Variants in ALK observed in about 807,000 individuals in gnomAD.
The protein encoded by ALK is ALK tyrosine kinase receptor.
ALK carries 74 observed loss-of-function variants against 163.1 expected under a neutral mutation model. The ratio of observed to expected loss-of-function variants is 0.45; its 90% confidence interval spans 0.38 to 0.55. The LOEUF (loss-of-function observed/expected upper bound fraction) is 0.55, where lower values mean the gene tolerates loss of function less well. Ranked by LOEUF, ALK falls within the 20% of genes least tolerant of loss-of-function variation. ALK has a pLI of 0.00. For missense variants in ALK, 2,063 were observed against 2,105.3 expected, an observed-to-expected ratio of 0.98 and a Z score of 0.39; for synonymous variants, 960 against 843.2, an observed-to-expected ratio of 1.14 and a Z score of -2.40.
intron 3 of ALK, among the ~76,000 whole-genome samples, chr2:29,557,706 C>T (rs1673901628): frequency 2.0e-5 from 3 of 152,074 alleles, no homozygotes; most frequent in Admixed American, 2.0e-4. Context: ...ATATACCCTC[C>T]TAGTCCTCAG....
At chr2:29,869,183 G>A (rs1666514925) in intron 1 of ALK, among the ~76,000 whole-genome samples, 1 of 152,118 alleles carries the variant, frequency 6.6e-6, no homozygotes, top group South Asian at 2.1e-4. Flanking sequence ...TAAAATGGCT[G>A]ATTTATACCT....
At chr2:29,327,341 C>T (rs1247736133) in intron 6 of ALK, among the ~76,000 whole-genome samples, 3 of 152,088 alleles carry the variant, frequency 2.0e-5, no homozygotes, top group Non-Finnish European at 4.4e-5. Context: ...GGAAAGATGA[C>T]CAGACTCAAA....
chr2:29,794,594 C>A (rs990334561), intron 1 of ALK, among the ~76,000 whole-genome samples: 6 of 152,078 alleles, frequency 3.9e-5, no homozygotes, highest in Non-Finnish European at 8.8e-5. Context: ...CACGTGAACA[C>A]TTAGAGGCGA....
chr2:29,875,063 A>G (rs769772210), intron 1 of ALK, among the ~76,000 whole-genome samples: 2 of 152,264 alleles, frequency 1.3e-5, no homozygotes, highest in African/African-American at 4.8e-5. Context: ...AGATACCTAT[A>G]AACCAATGTT....
chr2:29,728,227 C>T (rs1679630406), intron 1 of ALK, among the ~76,000 whole-genome samples: 1 of 152,244 alleles, frequency 6.6e-6, no homozygotes, highest in Non-Finnish European at 1.5e-5. Context: ...ACAAATCCCA[C>T]AATTTTCTGA....
intron 3 of ALK, among the ~76,000 whole-genome samples, chr2:29,637,224 C>T (rs1009522294): frequency 1.1e-4 from 16 of 152,256 alleles, no homozygotes; most frequent in Admixed American, 9.2e-4. Flanking sequence ...ACTGTGGTAC[C>T]TCCATACCAT....
rs1572503919 is a variant in ALK at position 29,920,538 on chromosome 2, C to T, written c.122G>A (p.Arg41Gln). The T allele has an allele frequency of 2.5e-6, 4 of 1,608,950 alleles. No homozygotes were observed. The highest frequency in any genetic ancestry group is 1.7e-4 in the Middle Eastern group (1 of 6,056). The change falls in exon 1 of 29, where the codon CGG becomes CAG. Residue 41 changes from arginine to glutamine, a missense_variant. Arg to Gln is a conservative substitution (Grantham distance 43). Around this residue, in one of 5 missense-constraint regions of ALK, gnomAD observed 987 missense variants for 939.5 expected, o/e 1.05. Transcript: ENST00000389048. ...SPAAGPPLQP[R>Q]EPLSYSRLQR... ...CAGGCGCGAGTAGCTGAGTGGCTCC[C>T]GGGGCTGCAGCGGCGGCCCCGCAGC...
intron 1 of ALK, among the ~76,000 whole-genome samples, chr2:29,864,557 G>A (rs2148408557): frequency 6.6e-6 from 1 of 152,276 alleles, no homozygotes; most frequent in South Asian, 2.1e-4. Context: ...TTACAACTGT[G>A]TTGATAAATC....
At chr2:29,586,267 A>AT (rs1674885261) in intron 3 of ALK, among the ~76,000 whole-genome samples, 1 of 151,402 alleles carries the variant, frequency 6.6e-6, no homozygotes, top group Admixed American at 6.6e-5. Context: ...TGAGGCTTTC[A>AT]TACATATATT....
intron 1 of ALK, among the ~76,000 whole-genome samples, chr2:29,910,122 G>T (rs1043936408): frequency 1.3e-5 from 2 of 152,006 alleles, no homozygotes; most frequent in Non-Finnish European, 2.9e-5. Flanking sequence ...TAAAATAGCT[G>T]TTATACGTGT....
intron 2 of ALK, among the ~76,000 whole-genome samples, chr2:29,712,833 A>C (rs1224112556): frequency 6.6e-6 from 1 of 152,114 alleles, no homozygotes; most frequent in Non-Finnish European, 1.5e-5. Context: ...CAAATCTAAC[A>C]ATTATTTTGT....
chr2:29,703,834 C>A (rs1678818284), intron 2 of ALK, among the ~76,000 whole-genome samples: 2 of 152,164 alleles, frequency 1.3e-5, no homozygotes, highest in South Asian at 4.1e-4. Context: ...AAAAGCAAGA[C>A]CCAGGCAAGG....
chr2:29,479,211 C>T (rs912502302), intron 4 of ALK, among the ~76,000 whole-genome samples: 3 of 146,952 alleles, frequency 2.0e-5, no homozygotes, highest in African/African-American at 7.6e-5. Flanking sequence ...CACCCTGAAG[C>T]AGGCAGATCT....
chr2:29,350,298 G>A (rs992504449), intron 5 of ALK, among the ~76,000 whole-genome samples: 2 of 152,226 alleles, frequency 1.3e-5, no homozygotes, highest in African/African-American at 2.4e-5. Flanking sequence ...GCCATTGTAA[G>A]TGACTGTATT....
chr2:29,835,279 A>T (rs1168007234), intron 1 of ALK, among the ~76,000 whole-genome samples: 1 of 152,208 alleles, frequency 6.6e-6, no homozygotes, highest in South Asian at 2.1e-4. Context: ...TATTATAGGG[A>T]TATATTGACA....
intron 1 of ALK, among the ~76,000 whole-genome samples, chr2:29,884,957 T>A (rs1336488303): frequency 6.6e-6 from 1 of 152,200 alleles, no homozygotes; most frequent in Non-Finnish European, 1.5e-5. Context: ...GAGGAAGGGA[T>A]AGGCTAACTC....
At chr2:29,537,632 T>G (rs1228047655) in intron 3 of ALK, among the ~76,000 whole-genome samples, 2 of 152,192 alleles carry the variant, frequency 1.3e-5, no homozygotes, top group Admixed American at 1.3e-4. Context: ...GAGTCCCCAC[T>G]GGGGCACTTC....
intron 13 of ALK, among the ~76,000 whole-genome samples, chr2:29,234,699 A>T (rs1477678859): frequency 6.6e-6 from 1 of 152,142 alleles, no homozygotes; most frequent in Admixed American, 6.5e-5. Flanking sequence ...GCGTAGTACA[A>T]GTACTACCCT....
At chr2:29,850,805 G>T (rs988429550) in intron 1 of ALK, among the ~76,000 whole-genome samples, 7 of 152,200 alleles carry the variant, frequency 4.6e-5, no homozygotes, top group Non-Finnish European at 1.0e-4. Context: ...CTGCCCCTGT[G>T]CTTTCTCCCA....
Sources: gnomAD v4.1 joint callset for allele counts (sites outside exome capture counted in the v4.1 genomes callset) on GRCh38, gnomAD v4.1.1 for gene constraint, gnomAD v4.1.1 regional missense constraint, MANE v1.5 for transcripts, NCBI Gene and HGNC (gene_info 2026-07-23, HGNC 2026-07-21) for gene names.